The following AGBL3 variants were observed in gnomAD, a reference collection of about 807,000 sequenced individuals.
AGBL3 encodes AGBL carboxypeptidase 3.
AGBL3 carries 68 observed loss-of-function variants against 94.5 expected under a neutral mutation model. The observed-to-expected ratio is 0.72, with a 90% CI of 0.59 to 0.88. The LOEUF is 0.88. Among genes scored for constraint, AGBL3 ranks in the 40% least tolerant of loss-of-function variants. The pLI, the probability that AGBL3 is intolerant of heterozygous loss-of-function variation, is 0.00. For synonymous variants in AGBL3, 354 were observed against 370.7 expected, an observed-to-expected ratio of 0.95 and a Z score of 0.52; for missense variants, 934 against 1,103.8, an observed-to-expected ratio of 0.85 and a Z score of 2.18.
At chr7:135,122,055 G>A (rs990907992) in intron 16 of AGBL3, among the ~76,000 whole-genome samples, 6 of 152,220 alleles carry the variant, frequency 3.9e-5, no homozygotes, top group Non-Finnish European at 8.8e-5. Flanking sequence ...AGCTGTGTCT[G>A]CCTGCTGTCT....
intron 4 of AGBL3, among the ~76,000 whole-genome samples, chr7:135,008,038 A>G (rs1233953529): frequency 2.0e-5 from 3 of 152,114 alleles, no homozygotes; most frequent in Non-Finnish European, 4.4e-5. Context: ...AAGACTTACT[A>G]TTATTACGAT....
At chr7:135,002,403 T>C (rs1463767585) in intron 4 of AGBL3, among the ~76,000 whole-genome samples, 2 of 152,120 alleles carry the variant, frequency 1.3e-5, no homozygotes, top group Non-Finnish European at 2.9e-5. Context: ...GGGAAGCTCA[T>C]CCAGCCTCGG....
At position 135,037,562 on chromosome 7, in the gene AGBL3, C is replaced by T. The variant is rs1422761941; in HGVS notation, c.1482C>T (p.Ser494=). Residue 494 remains serine (S), a synonymous_variant, in exon 8 of 17, where the codon AGC becomes AGT. Transcript: ENST00000436302. The part of the protein sequence containing the change: ...LQQRIFPLML[S]KNCPDKFSFS... ...AACGAATCTTCCCACTTATGCTAAG[C>T]AAAAATTGTCCAGATAAAGTAAGCA... The T allele has an allele frequency of 2.5e-5, 39 of 1,537,636 alleles. No homozygotes were observed. The highest frequency in any genetic ancestry group is 2.8e-5 in the Non-Finnish European group (32 of 1,141,732).
In AGBL3 at chr7:135,135,472, A is replaced by C. The variant is rs1829305811; in HGVS notation, c.*211A>C. Reference sequence around the variant, plus strand: ...AGAAATCCAGAGAAAATATGGAAAAATATTAAAGCAGATATTTATATTTAG... The same window carrying C: ...AGAAATCCAGAGAAAATATGGAAAACTATTAAAGCAGATATTTATATTTAG... On this transcript the variant is annotated 3_prime_UTR_variant, in exon 17 of 17. Coordinates refer to ENST00000436302, the MANE Select transcript of AGBL3 (RefSeq NM_178563.4). The C allele has an allele frequency of 5.3e-6, 2 of 378,282 alleles. No individual in the cohort carries two copies. Among genetic ancestry groups the C allele is most frequent in the African/African-American group, 2.1e-5 (1 of 47,728 alleles). The allele number at this position is 378,282 out of a possible 1,614,324, so 23.4% of individuals were successfully genotyped here. A position where few individuals can be genotyped will look rare whatever the true frequency, so the allele number is the denominator to read the frequency against.
chr7:135,024,436 C>A (rs1584870450), intron 5 of AGBL3, among the ~76,000 whole-genome samples: 1 of 152,188 alleles, frequency 6.6e-6, no homozygotes, highest in African/African-American at 2.4e-5. Flanking sequence ...AATCTATCCA[C>A]AAATAATACC....
At chr7:134,989,364 AAAG>A (rs1208132506) in intron 3 of AGBL3, 54 bp downstream of exon 3, 17 of 1,244,340 alleles carry the variant, frequency 1.4e-5, no homozygotes, top group East Asian at 1.1e-4. Flanking sequence ...AATGGATAAA[AAAG>A]AAGATGAGGA....
At chr7:135,129,794 C>T (rs1828471114) in intron 16 of AGBL3, 1 of 565,480 alleles carries the variant, frequency 1.8e-6, no homozygotes, top group Admixed American at 2.6e-5. Flanking sequence ...CTCATTCAGT[C>T]TTCCTGTGTA....
chr7:135,034,707 G>C lies in AGBL3; in HGVS notation c.1116G>C (p.Trp372Cys). 6.4e-6 allele frequency: 10 copies of C among 1,550,860 alleles called. No individual in the cohort carries two copies. The highest frequency in any genetic ancestry group is 8.7e-6 in the Non-Finnish European group (10 of 1,146,572). ...ATCCAGGGGAAACCAACAGCTCTTG[G>C]ATCATGAAAGGCTTCCTAGATTATA... ...RVHPGETNSS[W>C]IMKGFLDYIL... The change falls in exon 7 of 17, where the codon TGG (tryptophan) becomes TGC (cysteine). Residue 372 changes from tryptophan (W) to cysteine (C), a missense_variant. Trp to Cys is a radical substitution (Grantham distance 215). Around this residue, in one of 3 missense-constraint regions of AGBL3, gnomAD observed 488 missense variants for 563.6 expected, o/e 0.87. Coordinates refer to ENST00000436302, the MANE Select transcript of AGBL3 (RefSeq NM_178563.4).
intron 5 of AGBL3, among the ~76,000 whole-genome samples, chr7:135,020,985 C>G (rs529215086): frequency 6.9e-4 from 105 of 151,168 alleles, no homozygotes; most frequent in African/African-American, 2.5e-3. Context: ...TGCAGCACAC[C>G]AACATGGCAC....
intron 11 of AGBL3, among the ~76,000 whole-genome samples, chr7:135,054,897 A>C (rs1248954506): frequency 1.3e-5 from 2 of 152,220 alleles, no homozygotes; most frequent in Non-Finnish European, 2.9e-5. Flanking sequence ...TTATAAAGAA[A>C]ACAGGTTTAT....
intron 4 of AGBL3, among the ~76,000 whole-genome samples, chr7:135,003,171 T>C (rs897416823): frequency 6.6e-6 from 1 of 152,286 alleles, no homozygotes; most frequent in Admixed American, 6.5e-5. Context: ...TCCATTTTGA[T>C]ATAAGAAGTA....
chr7:135,131,470 T>A (rs1828765343), intron 16 of AGBL3, among the ~76,000 whole-genome samples: 2 of 145,074 alleles, frequency 1.4e-5, no homozygotes, highest in South Asian at 2.2e-4. Context: ...AAAAAAAAAA[T>A]TCTCAAAGGA....
intron 15 of AGBL3, among the ~76,000 whole-genome samples, chr7:135,113,817 C>G (rs180848226): frequency 3.3e-5 from 5 of 152,230 alleles, no homozygotes; most frequent in Non-Finnish European, 2.9e-5. Flanking sequence ...AATTCTCCCT[C>G]CCCCCAGCAC....
chr7:135,130,297 T>C (rs531550600), intron 16 of AGBL3, among the ~76,000 whole-genome samples: 1 of 152,338 alleles, frequency 6.6e-6, no homozygotes, highest in Non-Finnish European at 1.5e-5. Context: ...TTATAATAAT[T>C]TAAAAATATG....
chr7:134,993,392 C>T (rs1810557198), intron 3 of AGBL3, 101 bp from the exon 4 acceptor site: 2 of 926,028 alleles, frequency 2.2e-6, no homozygotes, highest in South Asian at 2.2e-5. Context: ...GATACCCACA[C>T]ATTGAATAGT....
chr7:135,130,766 C>T (rs574546625), intron 16 of AGBL3, among the ~76,000 whole-genome samples: 201 of 152,252 alleles, frequency 1.3e-3, no homozygotes, highest in Non-Finnish European at 2.4e-3. Context: ...AAGGTCTTCT[C>T]TAACAAGCTA....
intron 5 of AGBL3, among the ~76,000 whole-genome samples, chr7:135,022,451 C>T (rs2116305368): frequency 6.6e-6 from 1 of 151,724 alleles, no homozygotes; most frequent in South Asian, 2.1e-4. Context: ...GTTTGTTGGC[C>T]ACATACGTCT....
chr7:135,105,940 G>C (rs1041864976), intron 15 of AGBL3, among the ~76,000 whole-genome samples: 4 of 152,076 alleles, frequency 2.6e-5, no homozygotes, highest in Non-Finnish European at 4.4e-5. Context: ...TTTCATTGTA[G>C]AGATCTTTCA....
intron 4 of AGBL3, among the ~76,000 whole-genome samples, chr7:135,009,737 T>C (rs535903274): frequency 1.4e-4 from 22 of 152,348 alleles, no homozygotes; most frequent in African/African-American, 5.1e-4. Context: ...AAGTGGGTAC[T>C]AACCCACTTA....
Sources: gnomAD v4.1 joint callset for allele counts (sites outside exome capture counted in the v4.1 genomes callset) on GRCh38, gnomAD v4.1.1 for gene constraint, gnomAD v4.1.1 regional missense constraint, MANE v1.5 for transcripts, NCBI Gene and HGNC (gene_info 2026-07-23, HGNC 2026-07-21) for gene names.